MARCHF1: variants seen among roughly 807,000 people sequenced by gnomAD.
MARCHF1 encodes membrane associated ring-CH-type finger 1.
Under a neutral mutation model 54.2 loss-of-function variants are expected in MARCHF1, and 40 were observed. The observed-to-expected ratio is 0.74, with a 90% CI of 0.57 to 0.96. The LOEUF is 0.96. Among genes scored for constraint, MARCHF1 ranks in the 40% least tolerant of loss-of-function variants. The probability of loss-of-function intolerance (pLI) is 0.00; values close to 1 mark genes in which losing one functional copy is unlikely to be tolerated. For missense variants in MARCHF1, 586 were observed against 656.5 expected, an observed-to-expected ratio of 0.89 and a Z score of 1.17; for synonymous variants, 236 against 236.3, an observed-to-expected ratio of 1.00 and a Z score of 0.01.
chr4:164,052,467 G>T lies in MARCHF1; in HGVS notation c.-248+59121C>A, dbSNP rs185495536. On this transcript the variant is annotated intron_variant, in intron 2 of 9. Coordinates refer to ENST00000514618, the MANE Select transcript of MARCHF1 (RefSeq NM_001394959.1). ...GAATCACTTGAACCCGGGAGGTGGA[G>T]GTTGCAGTGAGCCAAGATCACGCCA... Among the ~76,000 whole-genome samples the T allele has an allele frequency of 2.0e-3, 310 of 152,208 alleles. 4 individuals are homozygous for T. Among genetic ancestry groups the T allele is most frequent in the Non-Finnish European group, 1.7e-3 (115 of 68,014 alleles).
intron 4 of MARCHF1, among the ~76,000 whole-genome samples, chr4:163,705,319 C>T (rs568876225): frequency 2.4e-4 from 37 of 151,260 alleles, no homozygotes; most frequent in African/African-American, 9.0e-4. Context: ...GATAGTACTC[C>T]CTACCCCACC....
At chr4:164,189,320 G>T in intron 1 of MARCHF1, 1 of 482,104 alleles carries the variant, frequency 2.1e-6, no homozygotes, top group South Asian at 3.0e-5. Context: ...TTCTATGAAG[G>T]AGAAGACTTT....
In MARCHF1 at chr4:163,612,790, G is replaced by C; in HGVS notation, c.491C>G (p.Ser164Cys). The C allele has an allele frequency of 6.5e-7, 1 of 1,535,338 alleles. No individual in the cohort carries two copies. The highest frequency in any genetic ancestry group is 8.7e-7 in the Non-Finnish European group (1 of 1,146,536). ...CTGAATCCAATGACTCTCATCTGTG[G>C]AAGATGAATCTGAAGAATCTGTGTA... ...ELYTDSSDSS[S>C]TDESHWIQAK... The change falls in exon 7 of 10, where the codon TCC (serine) becomes TGC (cysteine). Residue 164 changes from serine to cysteine, a missense_variant. By Grantham distance (112) the Ser-to-Cys change is moderately radical. This residue lies in a region of MARCHF1 where 387 missense variants were observed against 394.6 expected (regional missense o/e 0.98). Transcript: ENST00000514618.
intron 3 of MARCHF1, among the ~76,000 whole-genome samples, chr4:163,921,826 G>C (rs1751436451): frequency 6.6e-6 from 1 of 151,960 alleles, no homozygotes; most frequent in Non-Finnish European, 1.5e-5. Flanking sequence ...CAGGAATCTT[G>C]GAAATTGGCA....
At chr4:163,839,408 G>A (rs192957460) in intron 4 of MARCHF1, among the ~76,000 whole-genome samples, 2 of 152,126 alleles carry the variant, frequency 1.3e-5, no homozygotes, top group Admixed American at 1.3e-4. Flanking sequence ...ATAAAAGCTT[G>A]CATTTTGAAT....
intron 4 of MARCHF1, among the ~76,000 whole-genome samples, chr4:163,767,967 G>A (rs1747039527): frequency 6.6e-6 from 1 of 152,112 alleles, no homozygotes; most frequent in Non-Finnish European, 1.5e-5. Context: ...TTCCTGTTTG[G>A]TTTAAAGTTT....
intron 2 of MARCHF1, among the ~76,000 whole-genome samples, chr4:164,088,047 A>T (rs1755226574): frequency 6.6e-6 from 1 of 152,206 alleles, no homozygotes. Context: ...AGACAGATGA[A>T]AAGTATTTTC....
At chr4:164,131,910 A>G (rs2110820227) in intron 1 of MARCHF1, among the ~76,000 whole-genome samples, 1 of 152,306 alleles carries the variant, frequency 6.6e-6, no homozygotes, top group Admixed American at 6.5e-5. Context: ...TTTTACAGAA[A>G]TGCATTGACA....
At chr4:163,705,940 C>A (rs1744937078) in intron 4 of MARCHF1, among the ~76,000 whole-genome samples, 1 of 152,006 alleles carries the variant, frequency 6.6e-6, no homozygotes, top group South Asian at 2.1e-4. Context: ...AGAAACAAAA[C>A]CACTGCAGCT....
At chr4:163,852,179 T>C (rs1398187056) in intron 4 of MARCHF1, among the ~76,000 whole-genome samples, 2 of 152,188 alleles carry the variant, frequency 1.3e-5, no homozygotes, top group African/African-American at 4.8e-5. Context: ...GTCCCATTCC[T>C]AGTAACCCTT....
chr4:164,339,521 C>CA, intron 1 of MARCHF1, among the ~76,000 whole-genome samples: 1 of 151,462 alleles, frequency 6.6e-6, no homozygotes, highest in South Asian at 2.1e-4. Flanking sequence ...TGTCTTGAGG[C>CA]AAAAAAAATT....
At chr4:163,960,458 C>A (rs541654339) in intron 3 of MARCHF1, among the ~76,000 whole-genome samples, 2 of 151,880 alleles carry the variant, frequency 1.3e-5, no homozygotes, top group Non-Finnish European at 2.9e-5. Flanking sequence ...ATTTACATTA[C>A]GGAATACTAT....
At chr4:163,775,134 T>C (rs944089173) in intron 4 of MARCHF1, among the ~76,000 whole-genome samples, 34 of 152,178 alleles carry the variant, frequency 2.2e-4, no homozygotes, top group African/African-American at 8.2e-4. Context: ...CTAGCCACTC[T>C]CAAGCAAACT....
chr4:164,266,657 C>A (rs1338934005), intron 1 of MARCHF1, among the ~76,000 whole-genome samples: 1 of 152,038 alleles, frequency 6.6e-6, no homozygotes, highest in Non-Finnish European at 1.5e-5. Flanking sequence ...GAAGAGGAAA[C>A]AAAACTCCTG....
rs932812359 is a variant in MARCHF1 at position 163,526,665 on chromosome 4, G to A, written c.*2083C>T. 2.6e-5 allele frequency: 4 copies of A among 151,796 alleles called. No individual in the cohort carries two copies. The highest frequency in any genetic ancestry group is 5.9e-5 in the Non-Finnish European group (4 of 67,854). 9.4% of individuals were successfully genotyped at this position (151,796 alleles called of 1,614,324 possible). ...TTAAGGTCCACATGTTTTTTAAAAC[G>A]TTAATTACTTATATCCTTATTTATA... On this transcript the variant is annotated 3_prime_UTR_variant, in exon 10 of 10. Transcript: ENST00000514618.
intron 4 of MARCHF1, among the ~76,000 whole-genome samples, chr4:163,771,061 T>G (rs1286234406): frequency 6.6e-6 from 1 of 152,232 alleles, no homozygotes; most frequent in Non-Finnish European, 1.5e-5. Context: ...CATTATATTT[T>G]TTATAGAAAA....
intron 1 of MARCHF1, among the ~76,000 whole-genome samples, chr4:164,271,607 A>G (rs1333482998): frequency 6.6e-6 from 1 of 152,162 alleles, no homozygotes; most frequent in Non-Finnish European, 1.5e-5. Context: ...TAGTTTGTAG[A>G]AATTTGTTAC....
chr4:163,751,584 C>A (rs62333010), intron 4 of MARCHF1, among the ~76,000 whole-genome samples: 46,442 of 151,088 alleles, frequency 0.31, 8,623 homozygotes, highest in Non-Finnish European at 0.43. Context: ...TATACATTAC[C>A]AAAAATTATA....
intron 5 of MARCHF1, among the ~76,000 whole-genome samples, chr4:163,640,090 G>A (rs1043565792): frequency 2.6e-5 from 4 of 152,090 alleles, no homozygotes; most frequent in Non-Finnish European, 4.4e-5. Flanking sequence ...TAAACTGGAA[G>A]CAAGAAGACC....
Sources: allele counts gnomAD v4.1 joint callset (sites outside exome capture counted in the v4.1 genomes callset), GRCh38; gene constraint gnomAD v4.1.1; regional missense constraint gnomAD v4.1.1; transcripts MANE v1.5; gene names NCBI Gene and HGNC (gene_info 2026-07-23, HGNC 2026-07-21).